The following SMURF1 variants were observed in gnomAD, a reference collection of about 807,000 sequenced individuals.
SMURF1 encodes E3 ubiquitin-protein ligase SMURF1.
A neutral mutation model predicts 98.0 loss-of-function variants in SMURF1; 44 were observed. The observed-to-expected ratio is 0.45, with a 90% CI of 0.35 to 0.58. SMURF1 has a LOEUF of 0.58. SMURF1 is among the 20% of genes least tolerant of loss of function. The pLI, the probability that SMURF1 is intolerant of heterozygous loss-of-function variation, is 0.00. For synonymous variants in SMURF1, 396 were observed against 374.9 expected (o/e 1.06, Z -0.65); for missense variants, 687 against 938.4 (o/e 0.73, Z 3.50).
intron 1 of SMURF1, among the ~76,000 whole-genome samples, chr7:99,117,879 A>C (rs1205121747): frequency 1.3e-5 from 2 of 151,890 alleles, no homozygotes; most frequent in African/African-American, 2.4e-5. Flanking sequence ...CAGGAGTTCA[A>C]GACCAGCCTG....
intron 1 of SMURF1, among the ~76,000 whole-genome samples, chr7:99,103,828 C>A (rs917773422): frequency 6.6e-6 from 1 of 151,174 alleles, no homozygotes; most frequent in Admixed American, 6.6e-5. Context: ...TTGATGGAGA[C>A]AATTTTTGAA....
intron 7 of SMURF1, among the ~76,000 whole-genome samples, chr7:99,051,950 C>G (rs931676398): frequency 6.6e-6 from 1 of 152,134 alleles, no homozygotes; most frequent in Non-Finnish European, 1.5e-5. Flanking sequence ...GAGTTTGAGA[C>G]CAGCCTGGGC....
chr7:99,086,212 G>T (rs559643136), intron 1 of SMURF1, among the ~76,000 whole-genome samples: 1 of 152,234 alleles, frequency 6.6e-6, no homozygotes, highest in African/African-American at 2.4e-5. Context: ...CAGGCATGGT[G>T]ACACACACCT....
chr7:99,069,042 G>A (rs1211472506), intron 1 of SMURF1, among the ~76,000 whole-genome samples: 3 of 152,144 alleles, frequency 2.0e-5, no homozygotes, highest in Non-Finnish European at 4.4e-5. Context: ...TTAAGTGGCT[G>A]TTCTTTGTTG....
At chr7:99,125,113 C>G (rs1797717567) in intron 1 of SMURF1, among the ~76,000 whole-genome samples, 1 of 152,130 alleles carries the variant, frequency 6.6e-6, no homozygotes. Context: ...GGGTCTTACT[C>G]TGTTGTCCAG....
At position 99,032,884 on chromosome 7, in the gene SMURF1, T is replaced by C. The variant is rs907951969; in HGVS notation, c.2096+153A>G. The C allele has an allele frequency of 5.2e-6, 5 of 963,654 alleles. No homozygotes were observed. In the African/African-American group the frequency reaches 8.2e-5, roughly 16 times the overall value. 59.7% of individuals were successfully genotyped at this position (963,654 alleles called of 1,614,324 possible). ...GTCATTCAACTCTAGAATTTCTCCT[T>C]CTGTCTCAGGTGCTGTGGCTTTTGA... On this transcript the variant is annotated intron_variant, in intron 17 of 17. Coordinates refer to ENST00000361368, the MANE Select transcript of SMURF1 (RefSeq NM_181349.3).
intron 1 of SMURF1, among the ~76,000 whole-genome samples, chr7:99,101,570 A>C (rs1006386872): frequency 1.3e-5 from 2 of 152,246 alleles, no homozygotes; most frequent in Admixed American, 6.5e-5. Context: ...CCAATGTGTA[A>C]TCACTTTTCG....
At chr7:99,034,877 CTG>C (rs1200025544) in intron 16 of SMURF1, among the ~76,000 whole-genome samples, 3 of 152,184 alleles carry the variant, frequency 2.0e-5, no homozygotes, top group Non-Finnish European at 2.9e-5. Context: ...TACAATGTGT[CTG>C]TGTGTCTATC....
chr7:99,091,498 C>G (rs1210784645), intron 1 of SMURF1, among the ~76,000 whole-genome samples: 2 of 152,116 alleles, frequency 1.3e-5, no homozygotes, highest in Non-Finnish European at 2.9e-5. Context: ...TCAGAATAAT[C>G]TCTACACAAC....
At chr7:99,142,228 G>A (rs1430240919) in intron 1 of SMURF1, among the ~76,000 whole-genome samples, 1 of 152,202 alleles carries the variant, frequency 6.6e-6, no homozygotes, top group Admixed American at 6.5e-5. Context: ...ACTTTTCATT[G>A]AAGACAAAAT....
chr7:99,032,964 C>CAA (rs139310092), intron 17 of SMURF1, 73 bp downstream of exon 17: 2,223 of 1,304,236 alleles, frequency 1.7e-3, no homozygotes, highest in South Asian at 2.4e-3. Context: ...AAAAAAACAA[C>CAA]AAAAAAAAAA....
chr7:99,032,304 A>G (rs1054089339), intron 17 of SMURF1, among the ~76,000 whole-genome samples: 3 of 152,238 alleles, frequency 2.0e-5, no homozygotes, highest in South Asian at 2.1e-4. Flanking sequence ...CATCTGACAC[A>G]AGCACTACTG....
intron 1 of SMURF1, among the ~76,000 whole-genome samples, chr7:99,089,141 T>G (rs1239683377): frequency 6.8e-6 from 1 of 147,898 alleles, no homozygotes; most frequent in Non-Finnish European, 1.5e-5. Flanking sequence ...GAGGCGGAGG[T>G]TGCAGTGAGC....
At chr7:99,131,741 GA>G (rs965478450) in intron 1 of SMURF1, among the ~76,000 whole-genome samples, 5 of 151,962 alleles carry the variant, frequency 3.3e-5, no homozygotes, top group African/African-American at 1.2e-4. Flanking sequence ...GAAGAGGGAG[GA>G]AAAGAGGCCC....
chr7:99,041,318 C>T (rs1795371672), intron 12 of SMURF1, among the ~76,000 whole-genome samples: 1 of 152,106 alleles, frequency 6.6e-6, no homozygotes, highest in Admixed American at 6.5e-5. Context: ...AGGAGAATCG[C>T]TTGAACCTGG....
intron 13 of SMURF1, among the ~76,000 whole-genome samples, chr7:99,039,659 C>G (rs539398972): frequency 1.3e-5 from 2 of 152,256 alleles, no homozygotes; most frequent in East Asian, 3.9e-4. Context: ...TGAGCCACCG[C>G]ACCCAGCTGA....
chr7:99,057,360 G>A (rs1348719570), intron 4 of SMURF1, 58 bp downstream of exon 4: 12 of 1,612,634 alleles, frequency 7.4e-6, no homozygotes, highest in Admixed American at 3.4e-5. Flanking sequence ...AACAAAAAAC[G>A]ATGCCTCCTA....
intron 17 of SMURF1, chr7:99,030,891 G>T (rs219809): frequency 0.056 from 25,376 of 452,316 alleles, 4,386 homozygotes; most frequent in African/African-American, 0.41. Flanking sequence ...GTAGAGACAG[G>T]GTCTCGCTAG....
rs1382407734 is a variant in SMURF1, at chr7:99,027,494, A to G, written c.*3090T>C. On this transcript the variant is annotated 3_prime_UTR_variant, in exon 18 of 18. Transcript: ENST00000361368. ...AAAATGAACCTGACCTCCTGGGCCC[A>G]GCCTGCTGTACAATCACTGTTTGTT... 1 of 152,656 alleles carries G rather than the reference A, an allele frequency of 6.6e-6. No homozygotes were observed. The highest frequency in any genetic ancestry group is 1.5e-5 in the Non-Finnish European group (1 of 68,038). 9.5% of individuals were successfully genotyped at this position (152,656 alleles called of 1,614,324 possible).
Sources: allele counts gnomAD v4.1 joint callset (sites outside exome capture counted in the v4.1 genomes callset), GRCh38; gene constraint gnomAD v4.1.1; transcripts MANE v1.5; gene names NCBI Gene and HGNC (gene_info 2026-07-23, HGNC 2026-07-21).